The following RCC1L variants were observed in gnomAD, a reference collection of about 807,000 sequenced individuals.
RCC1L encodes the protein RCC1 like.
RCC1L carries 46 observed loss-of-function variants against 58.6 expected under a neutral mutation model. The observed-to-expected ratio is 0.79, with a 90% CI of 0.62 to 1.00. The LOEUF is 1.00. Among genes scored for constraint, RCC1L ranks in the 50% least tolerant of loss-of-function variants. The probability of loss-of-function intolerance (pLI) is 0.00; values close to 1 mark genes in which losing one functional copy is unlikely to be tolerated. For missense variants in RCC1L, 636 were observed against 623.6 expected (o/e 1.02, Z -0.21); for synonymous variants, 281 against 262.9 (o/e 1.07, Z -0.67).
At chr7:75,044,155 C>G (rs1278391780) in intron 10 of RCC1L, among the ~76,000 whole-genome samples, 1 of 152,214 alleles carries the variant, frequency 6.6e-6, no homozygotes. Context: ...CGGACACCCT[C>G]AACAACTCCA....
At chr7:75,060,873 G>A (rs1806254195) in intron 6 of RCC1L, among the ~76,000 whole-genome samples, 1 of 151,822 alleles carries the variant, frequency 6.6e-6, no homozygotes, top group Non-Finnish European at 1.5e-5. Context: ...CTTAAGGTCA[G>A]GAGTTCAAGA....
At position 75,042,978 on chromosome 7, in the gene RCC1L, C is replaced by G; in HGVS notation, c.*54G>C. 6.2e-7 allele frequency: 1 copy of G among 1,613,642 alleles called. No homozygotes were observed. The highest frequency in any genetic ancestry group is 8.5e-7 in the Non-Finnish European group (1 of 1,179,730). On this transcript the variant is annotated 3_prime_UTR_variant, in exon 11 of 11. Coordinates refer to ENST00000610322, the MANE Select transcript of RCC1L (RefSeq NM_030798.5). ...GGGGCTGGCCACGCGCTGGCCTCTGCCAAGGAGTGCCAGTGGTTCCCGGGA... is the reference window on the plus strand; with the variant it reads ...GGGGCTGGCCACGCGCTGGCCTCTGGCAAGGAGTGCCAGTGGTTCCCGGGA...
At position 75,070,755 on chromosome 7, in the gene RCC1L, A is replaced by G. The variant is rs782458710; in HGVS notation, c.339T>C (p.Ala113=). Residue 113 remains alanine (A), a synonymous_variant, in exon 2 of 11, where the codon GCT becomes GCC. Coordinates refer to ENST00000610322, the MANE Select transcript of RCC1L (RefSeq NM_030798.5). ...ACAGCAGTGTGAATCCATAGCCGCA[A>G]GCAGCAGATGAAATCTGAAAAGCAG... ...LELDQKISSA[A]CGYGFTLLSS... The G allele has an allele frequency of 4.3e-6, 7 of 1,614,098 alleles. No individual in the cohort carries two copies. In the South Asian group the frequency reaches 5.5e-5, roughly 13 times the overall value.
rs1169350324 is a variant in RCC1L at position 75,044,599 on chromosome 7, GAAAAAAA to G, written c.1318-1497_1318-1491del. ...GGGCGACAGAGCAAGACTCTGTCTC[GAAAAAAA>G]AAAAAAAAAAAAAAAAAGTCTTTCA... On this transcript the variant is annotated intron_variant, in intron 10 of 10. Transcript: ENST00000610322. 2.0e-4 allele frequency among the ~76,000 whole-genome samples: 8 copies of G among 40,674 alleles called. 1 individual carries two copies. Among genetic ancestry groups the G allele is most frequent in the East Asian group, 1.6e-3 (2 of 1,258 alleles). 26.7% of individuals were successfully genotyped at this position (40,674 alleles called of 152,430 possible). A position where few individuals can be genotyped will look rare whatever the true frequency, so the allele number is the denominator to read the frequency against.
intron 3 of RCC1L, among the ~76,000 whole-genome samples, chr7:75,065,599 T>C (rs797028837): frequency 3.9e-5 from 6 of 152,154 alleles, no homozygotes; most frequent in African/African-American, 1.4e-4. Context: ...GTGATCACAT[T>C]GACCTTTCCC....
At chr7:75,059,767 G>A (rs1554444344) in intron 6 of RCC1L, among the ~76,000 whole-genome samples, 1 of 151,910 alleles carries the variant, frequency 6.6e-6, no homozygotes, top group Non-Finnish European at 1.5e-5. Flanking sequence ...AAATCTCTAA[G>A]AGCCCATGCC....
intron 4 of RCC1L, 94 bp from the exon 5 acceptor site, chr7:75,063,437 C>G: frequency 3.9e-6 from 5 of 1,275,634 alleles, no homozygotes; most frequent in Non-Finnish European, 5.7e-6. Context: ...ATGGCCCGTC[C>G]CCTCCGCTCA....
intron 9 of RCC1L, among the ~76,000 whole-genome samples, chr7:75,053,687 T>A (rs1019385939): frequency 3.9e-5 from 6 of 152,202 alleles, no homozygotes; most frequent in Admixed American, 3.3e-4. Flanking sequence ...CAGGTGGGAC[T>A]CTGTCTGCAC....
At chr7:75,049,486 T>TAA (rs1470334111) in intron 10 of RCC1L, among the ~76,000 whole-genome samples, 2 of 145,748 alleles carry the variant, frequency 1.4e-5, no homozygotes, top group Middle Eastern at 3.2e-3. Flanking sequence ...CCCCGTCTCT[T>TAA]AAAAAAAAAA....
At chr7:75,047,021 G>T (rs905241132) in intron 10 of RCC1L, among the ~76,000 whole-genome samples, 2 of 151,892 alleles carry the variant, frequency 1.3e-5, no homozygotes, top group Non-Finnish European at 2.9e-5. Context: ...GCAGTGGCAC[G>T]ATCTCGGCTC....
chr7:75,058,503 T>C, intron 7 of RCC1L, 85 bp downstream of exon 7: 1 of 1,516,218 alleles, frequency 6.6e-7, no homozygotes, highest in Non-Finnish European at 9.0e-7. Context: ...AGTGCTGGGA[T>C]TACAGGTGTG....
chr7:75,038,492 G>A (rs1805476503), downstream of RCC1L, among the ~76,000 whole-genome samples: 1 of 150,768 alleles, frequency 6.6e-6, no homozygotes, highest in Non-Finnish European at 1.5e-5. Flanking sequence ...GGAGTGCAGT[G>A]GTGTGATCTT....
At chr7:75,072,167 T>TATATATATATATACATATACATATAC in intron 1 of RCC1L, among the ~76,000 whole-genome samples, 1 of 64,200 alleles carries the variant, frequency 1.6e-5, no homozygotes, top group South Asian at 4.2e-4. Context: ...TATACATATA[T>TATATATATATATACATATACATATAC]ATATATATAT....
chr7:75,073,744 T>A lies in RCC1L; in HGVS notation c.-7A>T, dbSNP rs782808038. ...CCAACGCCACCAGCGCCATCCTCCGTTCCGCGCCTCAGCAGCCTCTGGGCG... is the reference window on the plus strand; with the variant it reads ...CCAACGCCACCAGCGCCATCCTCCGATCCGCGCCTCAGCAGCCTCTGGGCG... On this transcript the variant is annotated 5_prime_UTR_variant, in exon 1 of 11. Coordinates refer to ENST00000610322, the MANE Select transcript of RCC1L (RefSeq NM_030798.5). The A allele has an allele frequency of 8.0e-6, 12 of 1,498,022 alleles. No individual in the cohort carries two copies. The highest frequency in any genetic ancestry group is 2.7e-6 in the Non-Finnish European group (3 of 1,131,194). The allele number at this position is 1,498,022 out of a possible 1,614,324, so 92.8% of individuals were successfully genotyped here.
intron 10 of RCC1L, among the ~76,000 whole-genome samples, chr7:75,043,952 C>T (rs1805639818): frequency 1.3e-5 from 2 of 152,200 alleles, no homozygotes; most frequent in African/African-American, 2.4e-5. Flanking sequence ...CAAGTCACGA[C>T]CACCAAGCAG....
intron 10 of RCC1L, among the ~76,000 whole-genome samples, chr7:75,028,941 C>T (rs1805220353): frequency 6.6e-6 from 1 of 152,232 alleles, no homozygotes; most frequent in African/African-American, 2.4e-5. Flanking sequence ...CACCAGGCTG[C>T]TGGTGGGAAA....
chr7:75,055,980 G>T lies in RCC1L; in HGVS notation c.1152C>A (p.Leu384=). 1 of 1,613,974 alleles carries T rather than the reference G, an allele frequency of 6.2e-7. No homozygotes were observed. The highest frequency in any genetic ancestry group is 8.5e-7 in the Non-Finnish European group (1 of 1,179,870). The change falls in exon 9 of 11, where the codon CTC becomes CTA. Residue 384 remains leucine (L), a synonymous_variant. Coordinates refer to ENST00000610322, the MANE Select transcript of RCC1L (RefSeq NM_030798.5). ...CTGGGTTGAACTCCGTCAAGCCAAAGAGAGTGGGTGGAATCATTTCAGGGA... is the reference window on the plus strand; with the variant it reads ...CTGGGTTGAACTCCGTCAAGCCAAATAGAGTGGGTGGAATCATTTCAGGGA... ...SAVPEMIPPT[L]FGLTEFNPEI...
At position 75,070,611 on chromosome 7, in the gene RCC1L, C is replaced by A; in HGVS notation, c.454+29G>T. On this transcript the variant is annotated intron_variant, in intron 2 of 10. Transcript: ENST00000610322. Reference sequence around the variant, plus strand: ...AAGAGCTTTCTCAGACCAATCCCGGCAAAGAGGAGACAAGGTAGGGATGCT... The same window carrying A: ...AAGAGCTTTCTCAGACCAATCCCGGAAAAGAGGAGACAAGGTAGGGATGCT... 4 of 1,611,158 alleles carry A rather than the reference C, an allele frequency of 2.5e-6. No homozygotes were observed. In the Middle Eastern group the frequency reaches 5.0e-4, roughly 200 times the overall value.
At chr7:75,029,504 C>T (rs1425903919) in intron 10 of RCC1L, among the ~76,000 whole-genome samples, 8 of 151,892 alleles carry the variant, frequency 5.3e-5, no homozygotes, top group African/African-American at 1.9e-4. Flanking sequence ...CCACCACGCT[C>T]GGCTAATTTT....
Sources: gnomAD v4.1 joint callset for allele counts (sites outside exome capture counted in the v4.1 genomes callset) on GRCh38, gnomAD v4.1.1 for gene constraint, MANE v1.5 for transcripts, NCBI Gene and HGNC (gene_info 2026-07-23, HGNC 2026-07-21) for gene names.